Variants in GSK3B observed in about 807,000 individuals in gnomAD.
GSK3B encodes the protein glycogen synthase kinase 3 beta.
In GSK3B, 15 loss-of-function variants were observed where a neutral mutation model predicts 56.4. The observed-to-expected ratio is 0.27, with a 90% CI of 0.18 to 0.41. The LOEUF (loss-of-function observed/expected upper bound fraction) is 0.41. Ranked by LOEUF, GSK3B falls within the 10% of genes least tolerant of loss-of-function variation. The pLI is 1.00. For synonymous variants in GSK3B, 181 were observed against 188.9 expected (o/e 0.96, Z 0.34); for missense variants, 300 against 513.4 (o/e 0.58, Z 4.02).
At chr3:119,967,864 CT>C (rs2107512314) in intron 2 of GSK3B, among the ~76,000 whole-genome samples, 1 of 135,142 alleles carries the variant, frequency 7.4e-6, no homozygotes, top group Admixed American at 7.6e-5. Flanking sequence ...CTCTCTCTCT[CT>C]CCTTTCTTTC....
intron 9 of GSK3B, among the ~76,000 whole-genome samples, chr3:119,848,205 T>A (rs1203266491): frequency 6.6e-6 from 1 of 152,238 alleles, no homozygotes; most frequent in Non-Finnish European, 1.5e-5. Flanking sequence ...TTTTAGGTAA[T>A]GTGACTGTTC....
chr3:119,879,081 T>C (rs2056349237), intron 7 of GSK3B, among the ~76,000 whole-genome samples: 1 of 152,242 alleles, frequency 6.6e-6, no homozygotes, highest in African/African-American at 2.4e-5. Context: ...TGTATGTATC[T>C]GTGGAATATA....
chr3:119,939,513 T>C (rs2057027016), intron 3 of GSK3B, among the ~76,000 whole-genome samples: 1 of 152,178 alleles, frequency 6.6e-6, no homozygotes, highest in Non-Finnish European at 1.5e-5. Flanking sequence ...CAATAAATTC[T>C]TAAGACAATG....
At chr3:120,019,702 A>T (rs1484268564) in intron 1 of GSK3B, among the ~76,000 whole-genome samples, 1 of 152,220 alleles carries the variant, frequency 6.6e-6, no homozygotes, top group Non-Finnish European at 1.5e-5. Flanking sequence ...CAACCTATAA[A>T]GTACCTGAAA....
At chr3:119,959,388 T>C (rs1342411790) in intron 2 of GSK3B, among the ~76,000 whole-genome samples, 1 of 152,120 alleles carries the variant, frequency 6.6e-6, no homozygotes, top group Non-Finnish European at 1.5e-5. Flanking sequence ...AAGTAAAATT[T>C]TTCATCTCCT....
chr3:119,955,248 A>C (rs564104808), intron 2 of GSK3B, among the ~76,000 whole-genome samples: 83 of 151,810 alleles, frequency 5.5e-4, no homozygotes, highest in Non-Finnish European at 6.6e-4. Flanking sequence ...AAAAAAAAAA[A>C]ACACAAAAAA....
intron 2 of GSK3B, among the ~76,000 whole-genome samples, chr3:119,987,413 T>G (rs997614707): frequency 6.6e-6 from 1 of 152,162 alleles, no homozygotes; most frequent in Non-Finnish European, 1.5e-5. Flanking sequence ...AAATATACTT[T>G]TCGTAAAAGG....
At position 119,892,981 on chromosome 3, in the gene GSK3B, C is replaced by T. The variant is rs79261032; in HGVS notation, c.813+12774G>A. Among the ~76,000 whole-genome samples, 749 of 152,062 alleles carry T rather than the reference C, an allele frequency of 4.9e-3. 3 individuals are homozygous for T. The highest frequency in any genetic ancestry group is 0.017 in the African/African-American group (703 of 41,496). ...GAGGACTGATATGAAATGTCATCTC[C>T]TCTGGCATTTTCCTACAATTTACAG... On this transcript the variant is annotated intron_variant, in intron 7 of 10. Transcript: ENST00000264235.
intron 9 of GSK3B, among the ~76,000 whole-genome samples, chr3:119,854,265 A>C (rs967649654): frequency 2.0e-5 from 3 of 152,198 alleles, no homozygotes; most frequent in Non-Finnish European, 4.4e-5. Context: ...CCCAGGGATG[A>C]AGCCCACCTG....
At chr3:120,038,422 G>A (rs1404248155) in intron 1 of GSK3B, among the ~76,000 whole-genome samples, 1 of 152,086 alleles carries the variant, frequency 6.6e-6, no homozygotes, top group Admixed American at 6.5e-5. Flanking sequence ...CAACTACGCG[G>A]GAGGCTGAGA....
At chr3:120,035,496 C>T (rs2058014615) in intron 1 of GSK3B, among the ~76,000 whole-genome samples, 1 of 152,158 alleles carries the variant, frequency 6.6e-6, no homozygotes, top group Non-Finnish European at 1.5e-5. Context: ...GTGCAAAGGG[C>T]AATTGGAACT....
chr3:119,992,559 A>T (rs1310660330), intron 2 of GSK3B, among the ~76,000 whole-genome samples: 2 of 152,086 alleles, frequency 1.3e-5, no homozygotes, highest in African/African-American at 4.8e-5. Context: ...ATAGCTGGAA[A>T]GCTTTATAAC....
chr3:119,876,700 C>T (rs182316264), intron 7 of GSK3B, among the ~76,000 whole-genome samples, 192 bp from the exon 8 acceptor site: 1 of 152,244 alleles, frequency 6.6e-6, no homozygotes, highest in East Asian at 1.9e-4. Flanking sequence ...ATACCCAATT[C>T]AACAGTGTTG....
intron 1 of GSK3B, chr3:120,029,875 G>T (rs530384473): frequency 1.3e-5 from 7 of 550,224 alleles, no homozygotes; most frequent in African/African-American, 1.1e-4. Flanking sequence ...GTAAAACTGG[G>T]ATTGGACAGT....
At chr3:119,896,884 G>C (rs1407066040) in intron 7 of GSK3B, among the ~76,000 whole-genome samples, 2 of 152,028 alleles carry the variant, frequency 1.3e-5, no homozygotes, top group Admixed American at 6.6e-5. Context: ...CCTGAAATTA[G>C]GTCAACACAC....
At chr3:119,839,923 G>C (rs1248666700) in intron 10 of GSK3B, among the ~76,000 whole-genome samples, 1 of 152,184 alleles carries the variant, frequency 6.6e-6, no homozygotes, top group Non-Finnish European at 1.5e-5. Context: ...TTAGATGGGT[G>C]ATTAGAAATT....
chr3:119,939,768 T>C (rs528606121), intron 3 of GSK3B, among the ~76,000 whole-genome samples: 33 of 152,278 alleles, frequency 2.2e-4, no homozygotes, highest in African/African-American at 5.8e-4. Context: ...ATTTTAATAA[T>C]TGATATATAG....
rs199773113 is a variant in GSK3B at position 119,913,660 on chromosome 3, C to CAAA, written c.609-853_609-851dup. Among the ~76,000 whole-genome samples the CAAA allele has an allele frequency of 5.3e-4, 75 of 141,484 alleles. No individual in the cohort carries two copies. In the Middle Eastern group the frequency reaches 0.011, roughly 21 times the overall value. 92.8% of individuals were successfully genotyped at this position (141,484 alleles called of 152,430 possible). On this transcript the variant is annotated intron_variant, in intron 5 of 10. Transcript: ENST00000264235. ...ATCAAAACAGTAAAACAGTAAGTGC[C>CAAA]AAAAAAAAAAAGTAAAGGTACTGGA... is the stretch of plus-strand genomic sequence containing the variant.
chr3:119,911,238 G>A (rs1200070627), intron 6 of GSK3B, among the ~76,000 whole-genome samples: 1 of 152,114 alleles, frequency 6.6e-6, no homozygotes, highest in Non-Finnish European at 1.5e-5. Context: ...CTGTCCATAA[G>A]CAGTAATATT....
Sources: allele counts gnomAD v4.1 joint callset (sites outside exome capture counted in the v4.1 genomes callset), GRCh38; gene constraint gnomAD v4.1.1; transcripts MANE v1.5; gene names NCBI Gene and HGNC (gene_info 2026-07-23, HGNC 2026-07-21).